DOP1B: variants seen among roughly 807,000 people sequenced by gnomAD.
The protein encoded by DOP1B is protein DOP1B.
A neutral mutation model predicts 233.5 loss-of-function variants in DOP1B; 174 were observed. The observed-to-expected ratio is 0.75, with a 90% CI of 0.66 to 0.85. DOP1B has a LOEUF of 0.85. Among genes scored for constraint, DOP1B ranks in the 40% least tolerant of loss-of-function variants. DOP1B has a pLI of 0.00. For synonymous variants in DOP1B, 1,190 were observed against 1,185.6 expected, an observed-to-expected ratio of 1.00 and a Z score of -0.08; for missense variants, 2,652 against 2,846.6, an observed-to-expected ratio of 0.93 and a Z score of 1.56.
intron 15 of DOP1B, among the ~76,000 whole-genome samples, chr21:36,235,655 G>T (rs987665554): frequency 2.6e-5 from 4 of 152,114 alleles, no homozygotes; most frequent in Admixed American, 6.6e-5. Flanking sequence ...TTGAGCCAAG[G>T]AGGCAGAGGT....
Position 36,245,967 on chromosome 21 carries a change from C to T in DOP1B, c.3987C>T (p.Cys1329=), listed in dbSNP as rs1244208694. 2 of 1,614,036 alleles carry T rather than the reference C, an allele frequency of 1.2e-6. No homozygotes were observed. Among genetic ancestry groups the T allele is most frequent in the East Asian group, 4.5e-5 (2 of 44,868 alleles). ...CLSFLRSYYP[C]YLKVSHRDIL... ...GCTTCCTGCGCTCCTACTACCCTTG[C>T]TATTTGAAGGTCTCGCACCGAGACA... Residue 1329 remains cysteine, a synonymous_variant, in exon 19 of 37, where the codon TGC becomes TGT. Transcript: ENST00000691173. This position sits in a 1 kb window ranked among gnomAD's most constrained non-coding sequence, Gnocchi z 5.5.
chr21:36,263,945 A>T lies in DOP1B; in HGVS notation c.5487+131A>T. 2 of 944,320 alleles carry T rather than the reference A, an allele frequency of 2.1e-6. 1 individual carries two copies. Among genetic ancestry groups the T allele is most frequent in the South Asian group, 3.1e-5 (2 of 64,868 alleles). The allele number at this position is 944,320 out of a possible 1,614,324, so 58.5% of individuals were successfully genotyped here. A position where few individuals can be genotyped will look rare whatever the true frequency, so the allele number is the denominator to read the frequency against. Reference sequence around the variant, plus strand: ...GAGGTTAGCTTTGCACTTGTTCTCAAGTCTTACTTCTGCCATCACTGTCTC... The same window carrying T: ...GAGGTTAGCTTTGCACTTGTTCTCATGTCTTACTTCTGCCATCACTGTCTC... On this transcript the variant is annotated intron_variant, in intron 26 of 36. Transcript: ENST00000691173.
chr21:36,211,633 C>T lies in DOP1B; in HGVS notation c.762C>T (p.Phe254=). ...ATCTGGAAATCGTTCTGTTTTTCTTCCCATTTTATACCTGTCTGGTAAGTA... is the reference window on the plus strand; with the variant it reads ...ATCTGGAAATCGTTCTGTTTTTCTTTCCATTTTATACCTGTCTGGTAAGTA... ...RNNLEIVLFF[F]PFYTCLDSNE... is the part of the protein sequence containing the mutation. Residue 254 remains phenylalanine (F), a synonymous_variant, in exon 6 of 37, where the codon TTC becomes TTT. Transcript: ENST00000691173. 6.2e-7 allele frequency: 1 copy of T among 1,614,038 alleles called. No homozygotes were observed. The highest frequency in any genetic ancestry group is 8.5e-7 in the Non-Finnish European group (1 of 1,179,972).
In DOP1B at chr21:36,261,461, G is replaced by C. The variant is rs142867725; in HGVS notation, c.5315+729G>C. On this transcript the variant is annotated intron_variant, in intron 24 of 36. Coordinates refer to ENST00000691173, the MANE Select transcript of DOP1B (RefSeq NM_001320714.2). ...TGTGGAGAGGTATCTGCTTTGATTT[G>C]CTAAGTTAATATATGTATTAGGTGT... The C allele has an allele frequency of 2.8e-5, 28 of 985,350 alleles. No individual in the cohort carries two copies. In the South Asian group the frequency reaches 1.1e-3, roughly 38 times the overall value. The allele number at this position is 985,350 out of a possible 1,614,324, so 61.0% of individuals were successfully genotyped here. A position where few individuals can be genotyped will look rare whatever the true frequency, so the allele number is the denominator to read the frequency against.
intron 10 of DOP1B, among the ~76,000 whole-genome samples, chr21:36,219,738 GTA>G (rs575661298): frequency 5.2e-4 from 79 of 152,048 alleles, no homozygotes; most frequent in Non-Finnish European, 9.0e-4. Flanking sequence ...GGATGGACAG[GTA>G]TTTATTGATT....
intron 23 of DOP1B, among the ~76,000 whole-genome samples, chr21:36,259,109 T>G (rs1190703926): frequency 2.6e-5 from 4 of 150,960 alleles, no homozygotes; most frequent in African/African-American, 7.3e-5. Context: ...GGGACTACAG[T>G]CGCCCGCCAC....
chr21:36,163,856 G>A (rs528000507), intron 1 of DOP1B, among the ~76,000 whole-genome samples: 2 of 152,328 alleles, frequency 1.3e-5, no homozygotes, highest in South Asian at 2.1e-4. Flanking sequence ...CTCAGCCATC[G>A]TTAGTTTGTG....
intron 1 of DOP1B, among the ~76,000 whole-genome samples, chr21:36,162,942 G>A (rs951364463): frequency 5.3e-5 from 8 of 152,152 alleles, no homozygotes; most frequent in African/African-American, 1.9e-4. Context: ...CCAGAGGAGT[G>A]TGTGGGCCAA....
At chr21:36,208,935 G>T in intron 5 of DOP1B, 31 bp downstream of exon 5, 1 of 1,478,748 alleles carries the variant, frequency 6.8e-7, no homozygotes. Context: ...AGGGCATGGG[G>T]AGGAGGCGAC....
chr21:36,221,329 C>CA (rs548534960), intron 10 of DOP1B, among the ~76,000 whole-genome samples: 3 of 151,142 alleles, frequency 2.0e-5, no homozygotes, highest in Non-Finnish European at 2.9e-5. Flanking sequence ...CTGGTCTCTA[C>CA]AAAAAAAATA....
chr21:36,259,651 G>A (rs1013742294), intron 23 of DOP1B, among the ~76,000 whole-genome samples: 25 of 152,264 alleles, frequency 1.6e-4, no homozygotes, highest in Admixed American at 3.3e-4. Context: ...AGGCTTGGTC[G>A]CCGTAGAACC....
At chr21:36,172,892 G>T (rs1207959959) in intron 2 of DOP1B, among the ~76,000 whole-genome samples, 1 of 152,216 alleles carries the variant, frequency 6.6e-6, no homozygotes, top group Non-Finnish European at 1.5e-5. Context: ...GCTGAGGCAG[G>T]TGGATAACCT....
chr21:36,292,172 A>G lies in DOP1B; in HGVS notation c.6584A>G (p.Asn2195Ser). 3.1e-6 allele frequency: 5 copies of G among 1,612,832 alleles called. No homozygotes were observed. The highest frequency in any genetic ancestry group is 4.2e-6 in the Non-Finnish European group (5 of 1,179,438). ...GPAFLSDVEE[N>S]HQECKPHTVR... ...GCCTTCCTGTCGGATGTAGAGGAGA[A>G]TCACCAAGAATGCAAACCCCACACT... Residue 2195 changes from asparagine (N) to serine (S), a missense_variant, in exon 36 of 37, where the codon AAT becomes AGT. Asn to Ser is a conservative substitution (Grantham distance 46, BLOSUM62 1). Transcript: ENST00000691173.
In DOP1B at chr21:36,246,108, C is replaced by T. The variant is rs753579005; in HGVS notation, c.4128C>T (p.Ser1376=). ...GGAAGAACGTGGAGTTCATCCACAG[C>T]TTGCTGCAGAGGTGCAAAGTTCAGG... is the stretch of plus-strand genomic sequence containing the variant. ...SEGKNVEFIH[S]LLQRCKVQEF... Residue 1376 remains serine (S), a synonymous_variant, in exon 19 of 37, where the codon AGC becomes AGT. Transcript: ENST00000691173. The surrounding 1 kb of genome is among the most constrained non-coding windows in gnomAD (Gnocchi z 5.1). The T allele has an allele frequency of 8.7e-6, 14 of 1,614,148 alleles. No individual in the cohort carries two copies. The South Asian group carries it at 1.5e-4, about 18-fold the overall frequency.
chr21:36,164,110 T>C (rs2239567), intron 1 of DOP1B, among the ~76,000 whole-genome samples: 119,924 of 152,058 alleles, frequency 0.79, 47,821 homozygotes, highest in Non-Finnish European at 0.86. Context: ...CCAGTGCTCC[T>C]TTAGTACAGA....
chr21:36,188,154 G>A (rs981535552), intron 2 of DOP1B, among the ~76,000 whole-genome samples: 1 of 152,170 alleles, frequency 6.6e-6, no homozygotes, highest in African/African-American at 2.4e-5. Flanking sequence ...GATTAATCAC[G>A]TGCATGGCCC....
intron 26 of DOP1B, among the ~76,000 whole-genome samples, chr21:36,266,998 G>A (rs971872491): frequency 1.3e-5 from 2 of 152,044 alleles, no homozygotes; most frequent in South Asian, 2.1e-4. Flanking sequence ...TCCCTCGAGC[G>A]CACCCTTCTC....
At chr21:36,218,691 TTG>T (rs944955848) in intron 9 of DOP1B, among the ~76,000 whole-genome samples, 15 of 152,166 alleles carry the variant, frequency 9.9e-5, no homozygotes, top group Non-Finnish European at 1.9e-4. Flanking sequence ...TCTGAATTGA[TTG>T]TGTGTTTCTG....
At chr21:36,262,920 T>TAAATAAAATA (rs539016204) in intron 24 of DOP1B, among the ~76,000 whole-genome samples, 3 of 144,130 alleles carry the variant, frequency 2.1e-5, no homozygotes, top group African/African-American at 7.7e-5. Context: ...AATAAATAAA[T>TAAATAAAATA]AAATAAAATA....
Sources: gnomAD v4.1 joint callset for allele counts (sites outside exome capture counted in the v4.1 genomes callset) on GRCh38, gnomAD v4.1.1 for gene constraint, Gnocchi (gnomAD v3.1) non-coding constraint, MANE v1.5 for transcripts, NCBI Gene and HGNC (gene_info 2026-07-23, HGNC 2026-07-21) for gene names.